Variants in FOXJ3 observed in about 807,000 individuals in gnomAD.
FOXJ3 encodes the protein forkhead box protein J3.
A neutral mutation model predicts 76.1 loss-of-function variants in FOXJ3; 22 were observed. That is an observed-to-expected ratio of 0.29 (90% CI 0.21 to 0.41). FOXJ3 has a LOEUF of 0.41. Ranked by LOEUF, FOXJ3 falls within the 10% of genes least tolerant of loss-of-function variation. The pLI, the probability that FOXJ3 is intolerant of heterozygous loss-of-function variation, is 1.00. For missense variants in FOXJ3, 613 were observed against 762.1 expected, an observed-to-expected ratio of 0.80 and a Z score of 2.30; for synonymous variants, 269 against 261.2, an observed-to-expected ratio of 1.03 and a Z score of -0.29.
chr1:42,319,137 G>T (rs1286138932), intron 1 of FOXJ3, among the ~76,000 whole-genome samples: 2 of 152,162 alleles, frequency 1.3e-5, no homozygotes, highest in Admixed American at 1.3e-4. Flanking sequence ...GGCTGAGGTG[G>T]AAGGATCAAT....
rs140879386 is a variant in FOXJ3, at chr1:42,196,026, A to G, written c.760-962T>C. ...TTCTATTTTGCCAGAGGTTGCCAAG[A>G]AACAGTTTCTCATCTACCTCCCTGG... On this transcript the variant is annotated intron_variant, in intron 7 of 12. Transcript: ENST00000361346. Among the ~76,000 whole-genome samples the G allele has an allele frequency of 3.3e-3, 508 of 152,334 alleles. 4 individuals are homozygous for G. Among genetic ancestry groups the G allele is most frequent in the African/African-American group, 0.012 (483 of 41,586 alleles).
intron 5 of FOXJ3, among the ~76,000 whole-genome samples, chr1:42,206,721 T>C (rs1646868132): frequency 6.6e-6 from 1 of 152,228 alleles, no homozygotes; most frequent in South Asian, 2.1e-4. Context: ...TTGTTTATAC[T>C]AGGAATATTC....
At chr1:42,276,542 C>T (rs983572110) in intron 3 of FOXJ3, among the ~76,000 whole-genome samples, 4 of 152,018 alleles carry the variant, frequency 2.6e-5, no homozygotes, top group East Asian at 1.9e-4. Flanking sequence ...AAGTATAGCA[C>T]GTCTTCAAAT....
chr1:42,274,888 G>GC (rs1407789812), intron 3 of FOXJ3, among the ~76,000 whole-genome samples: 1 of 151,864 alleles, frequency 6.6e-6, no homozygotes, highest in African/African-American at 2.4e-5. Flanking sequence ...AAAGGCGGCG[G>GC]GGGGGCAAAA....
intron 4 of FOXJ3, among the ~76,000 whole-genome samples, chr1:42,243,892 A>C (rs187902396): frequency 6.6e-6 from 1 of 152,330 alleles, no homozygotes; most frequent in African/African-American, 2.4e-5. Context: ...CAGTACATGG[A>C]ATATTCCCCA....
At chr1:42,198,443 A>T (rs1469532225) in intron 7 of FOXJ3, among the ~76,000 whole-genome samples, 1 of 152,182 alleles carries the variant, frequency 6.6e-6, no homozygotes, top group Admixed American at 6.5e-5. Context: ...GGTAAGATCA[A>T]ATTTACACTG....
At chr1:42,187,238 A>G (rs939787218) in intron 11 of FOXJ3, among the ~76,000 whole-genome samples, 2 of 152,226 alleles carry the variant, frequency 1.3e-5, no homozygotes, top group Admixed American at 6.5e-5. Flanking sequence ...ACTTACCCCC[A>G]AACACACAAG....
intron 4 of FOXJ3, among the ~76,000 whole-genome samples, chr1:42,250,990 A>G (rs908427862): frequency 1.3e-4 from 20 of 152,008 alleles, no homozygotes; most frequent in African/African-American, 4.6e-4. Flanking sequence ...CTGACCCTAA[A>G]AGAAAAAGAG....
intron 11 of FOXJ3, among the ~76,000 whole-genome samples, chr1:42,186,488 C>T (rs986430541): frequency 2.0e-5 from 3 of 152,038 alleles, no homozygotes; most frequent in Admixed American, 6.5e-5. Context: ...AAGGTGTCAT[C>T]GGGACCCTAG....
intron 2 of FOXJ3, among the ~76,000 whole-genome samples, chr1:42,283,440 C>G (rs1273957728): frequency 6.6e-6 from 1 of 152,144 alleles, no homozygotes; most frequent in African/African-American, 2.4e-5. Flanking sequence ...CACTGCGTGG[C>G]CTACCTCTGC....
chr1:42,240,414 T>C (rs968793627), intron 4 of FOXJ3, among the ~76,000 whole-genome samples: 3 of 152,172 alleles, frequency 2.0e-5, no homozygotes, highest in African/African-American at 4.8e-5. Context: ...AAAATAATCT[T>C]GAAAAAGAAG....
intron 2 of FOXJ3, among the ~76,000 whole-genome samples, chr1:42,303,337 T>C (rs1654272503): frequency 6.6e-6 from 1 of 152,218 alleles, no homozygotes; most frequent in South Asian, 2.1e-4. Flanking sequence ...CTTAATAAAC[T>C]TAAAGTGCTT....
At chr1:42,324,925 T>C (rs762445360) in intron 1 of FOXJ3, among the ~76,000 whole-genome samples, 13 of 152,160 alleles carry the variant, frequency 8.5e-5, no homozygotes, top group African/African-American at 1.2e-4. Context: ...TAAATTTTTT[T>C]TAATTACACT....
At chr1:42,202,305 T>C (rs1397022980) in intron 6 of FOXJ3, among the ~76,000 whole-genome samples, 4 of 152,194 alleles carry the variant, frequency 2.6e-5, no homozygotes, top group Non-Finnish European at 5.9e-5. Flanking sequence ...AGCTTCTCCA[T>C]AAAATATAGA....
intron 3 of FOXJ3, among the ~76,000 whole-genome samples, chr1:42,273,377 A>G (rs181394926): frequency 6.6e-6 from 1 of 152,294 alleles, no homozygotes; most frequent in African/African-American, 2.4e-5. Flanking sequence ...CAAATGAAAG[A>G]CGAAATCAGC....
intron 4 of FOXJ3, among the ~76,000 whole-genome samples, chr1:42,251,368 A>G (rs1465131438): frequency 6.6e-6 from 1 of 152,212 alleles, no homozygotes; most frequent in Non-Finnish European, 1.5e-5. Context: ...AGAAAAAAGT[A>G]TACTGAGGAT....
At chr1:42,193,705 G>A (rs1646595129) in intron 8 of FOXJ3, among the ~76,000 whole-genome samples, 1 of 152,082 alleles carries the variant, frequency 6.6e-6, no homozygotes, top group Admixed American at 6.6e-5. Flanking sequence ...AATGCAAACA[G>A]TATAAAGACA....
chr1:42,207,768 G>C (rs142099084), intron 5 of FOXJ3, among the ~76,000 whole-genome samples: 1 of 152,268 alleles, frequency 6.6e-6, no homozygotes, highest in Non-Finnish European at 1.5e-5. Context: ...GCAGAGAATA[G>C]GGATCTTGAT....
In FOXJ3 at chr1:42,191,478, C is replaced by T. The variant is rs1156438639; in HGVS notation, c.1176G>A (p.Gln392=). The change falls in exon 9 of 13, where the codon CAG becomes CAA. Residue 392 remains glutamine, a synonymous_variant. Transcript: ENST00000361346. ...HPPHRPHGLP[Q]HPQRSPHPAP... ...CTGGGTGTGGGGAACGCTGCGGATG[C>T]TGCGGTAAACCATGCGGTCGATGGG... The T allele has an allele frequency of 2.5e-6, 4 of 1,613,350 alleles. No homozygotes were observed. The highest frequency in any genetic ancestry group is 2.2e-5 in the East Asian group (1 of 44,876).
Sources: gnomAD v4.1 joint callset for allele counts (sites outside exome capture counted in the v4.1 genomes callset) on GRCh38, gnomAD v4.1.1 for gene constraint, MANE v1.5 for transcripts, NCBI Gene and HGNC (gene_info 2026-07-23, HGNC 2026-07-21) for gene names.